KIF13B: variants seen among roughly 807,000 people sequenced by gnomAD.
KIF13B encodes kinesin family member 13B.
A neutral mutation model predicts 222.0 loss-of-function variants in KIF13B; 127 were observed. The ratio of observed to expected loss-of-function variants is 0.57; its 90% CI spans 0.50 to 0.66. The LOEUF is 0.66. Among genes scored for constraint, KIF13B ranks in the 30% least tolerant of loss-of-function variants. KIF13B has a pLI of 0.00. For missense variants in KIF13B, 2,173 were observed against 2,379.0 expected, an observed-to-expected ratio of 0.91 and a Z score of 1.80; for synonymous variants, 976 against 919.0, an observed-to-expected ratio of 1.06 and a Z score of -1.12.
At chr8:29,103,707 G>A (rs553284160) in intron 35 of KIF13B, among the ~76,000 whole-genome samples, 7 of 151,914 alleles carry the variant, frequency 4.6e-5, no homozygotes, top group African/African-American at 1.7e-4. Context: ...ACAAATAGAG[G>A]AATGGAAAGC....
At chr8:29,220,628 C>T (rs1049599526) in intron 2 of KIF13B, among the ~76,000 whole-genome samples, 3 of 151,636 alleles carry the variant, frequency 2.0e-5, no homozygotes, top group African/African-American at 4.9e-5. Context: ...CAGAGAAGGA[C>T]GAGGAAGCCT....
intron 13 of KIF13B, among the ~76,000 whole-genome samples, chr8:29,158,379 G>A (rs1312388658): frequency 1.3e-5 from 2 of 152,218 alleles, no homozygotes; most frequent in Non-Finnish European, 2.9e-5. Flanking sequence ...AGCAGGGATA[G>A]CATCTCAGTC....
At chr8:29,139,934 G>A in intron 21 of KIF13B, 129 bp downstream of exon 21, 1 of 789,022 alleles carries the variant, frequency 1.3e-6, no homozygotes, top group Non-Finnish European at 2.0e-6. Context: ...ACCATCTAAA[G>A]ACCTGCAGTT....
chr8:29,176,072 A>G lies in KIF13B; in HGVS notation c.941T>C (p.Leu314Pro). ...AGGGAAAAAAAACAAACTTACTTTG[A>G]GCAGCCAAGTGAGAACTGAGTCACG... Reference protein sequence around the residue: ...PYRDSVLTWLLKDSLGGNSKT... With the variant: ...PYRDSVLTWLPKDSLGGNSKT... Residue 314 changes from leucine to proline, a missense_variant, in exon 10 of 40, where the codon CTC becomes CCC. Leu to Pro is a moderately conservative substitution (Grantham distance 98, BLOSUM62 -3). This residue lies in a region of KIF13B where 1,480 missense variants were observed against 1,722.8 expected (regional missense o/e 0.86). Transcript: ENST00000524189. 1 of 1,601,876 alleles carries G rather than the reference A, an allele frequency of 6.2e-7. No individual in the cohort carries two copies. Among genetic ancestry groups the G allele is most frequent in the South Asian group, 1.1e-5 (1 of 90,476 alleles).
chr8:29,179,458 A>C (rs1812620056), intron 8 of KIF13B, among the ~76,000 whole-genome samples: 2 of 152,238 alleles, frequency 1.3e-5, no homozygotes, highest in South Asian at 4.1e-4. Flanking sequence ...TAGCCGTCAC[A>C]GTTTAAAACT....
At chr8:29,145,425 G>A (rs911547804) in intron 18 of KIF13B, among the ~76,000 whole-genome samples, 1 of 152,168 alleles carries the variant, frequency 6.6e-6, no homozygotes, top group Non-Finnish European at 1.5e-5. Flanking sequence ...GAGGTCAGGA[G>A]TTTGAGACCA....
chr8:29,205,826 T>C (rs993387233), intron 2 of KIF13B, among the ~76,000 whole-genome samples: 3 of 151,956 alleles, frequency 2.0e-5, no homozygotes, highest in Non-Finnish European at 4.4e-5. Context: ...CTCACACCTG[T>C]AATCCCAACA....
Position 29,180,672 on chromosome 8 carries a change from C to T in KIF13B, c.586-434G>A, listed in dbSNP as rs973855114. Among the ~76,000 whole-genome samples the T allele has an allele frequency of 7.9e-5, 12 of 152,272 alleles. 1 individual carries two copies. Among genetic ancestry groups the T allele is most frequent in the South Asian group, 6.2e-4 (3 of 4,816 alleles). Reference sequence around the variant, plus strand: ...TTGTCGCTTCATACAGGCATATCACCGACTACCACTATCTTAGCAGACCTG... The same window carrying T: ...TTGTCGCTTCATACAGGCATATCACTGACTACCACTATCTTAGCAGACCTG... On this transcript the variant is annotated intron_variant, in intron 7 of 39. Coordinates refer to ENST00000524189, the MANE Select transcript of KIF13B (RefSeq NM_015254.4).
chr8:29,133,248 G>A (rs1810422798), intron 22 of KIF13B, among the ~76,000 whole-genome samples: 1 of 152,134 alleles, frequency 6.6e-6, no homozygotes, highest in South Asian at 2.1e-4. Flanking sequence ...TGACCTCTCT[G>A]ATTTGTTTGT....
At chr8:29,200,335 C>T (rs1016863188) in intron 2 of KIF13B, among the ~76,000 whole-genome samples, 2 of 152,348 alleles carry the variant, frequency 1.3e-5, no homozygotes, top group Non-Finnish European at 1.5e-5. Flanking sequence ...GAAACCTCAA[C>T]TATCCAGATC....
Position 29,071,908 on chromosome 8 carries a change from A to T in KIF13B, c.4930T>A (p.Ser1644Thr). 1 of 1,452,846 alleles carries T rather than the reference A, an allele frequency of 6.9e-7. No homozygotes were observed. Among genetic ancestry groups the T allele is most frequent in the Admixed American group, 3.1e-5 (1 of 32,398 alleles). The allele number at this position is 1,452,846 out of a possible 1,614,324, so 90.0% of individuals were successfully genotyped here. The change falls in exon 39 of 40, where the codon TCC (serine) becomes ACC (threonine). Residue 1644 changes from serine to threonine, a missense_variant. By Grantham distance (58) the Ser-to-Thr change is moderately conservative. This residue lies in a region of KIF13B where 693 missense variants were observed against 656.2 expected (regional missense o/e 1.06). Transcript: ENST00000524189. This position sits in a 1 kb window ranked among gnomAD's most constrained non-coding sequence, Gnocchi z 4.9. ...CGCACCCTCCGGACGCGGAACGGGG[A>T]GCCGGGCGCCGGGGCCTCGAGGTCG... ...RPDLEAPAPG[S>T]PFRVRRVRAS...
intron 5 of KIF13B, among the ~76,000 whole-genome samples, chr8:29,187,223 T>C (rs1000907003): frequency 1.3e-5 from 2 of 152,136 alleles, no homozygotes; most frequent in African/African-American, 4.8e-5. Context: ...ATAATCTTTT[T>C]TCTTATATAA....
At chr8:29,247,456 T>C (rs1816078537) in intron 1 of KIF13B, among the ~76,000 whole-genome samples, 1 of 151,976 alleles carries the variant, frequency 6.6e-6, no homozygotes, top group Non-Finnish European at 1.5e-5. Flanking sequence ...AAAAAGGGAA[T>C]GAAAAAGTAT....
chr8:29,249,804 G>T (rs1445942066), intron 1 of KIF13B, among the ~76,000 whole-genome samples: 2 of 152,174 alleles, frequency 1.3e-5, no homozygotes, highest in Middle Eastern at 3.2e-3. Context: ...AAACTTTAGA[G>T]CTATGTTTTA....
At chr8:29,155,244 C>T (rs1811466036) in intron 14 of KIF13B, among the ~76,000 whole-genome samples, 1 of 152,182 alleles carries the variant, frequency 6.6e-6, no homozygotes, top group Non-Finnish European at 1.5e-5. Flanking sequence ...CACTAAGAAG[C>T]ACTGCCACAA....
At chr8:29,175,129 GA>G (rs142251589) in intron 10 of KIF13B, among the ~76,000 whole-genome samples, 15 of 151,582 alleles carry the variant, frequency 9.9e-5, no homozygotes, top group Non-Finnish European at 1.6e-4. Flanking sequence ...TTTAAAAATA[GA>G]AAAAAAAGAG....
At chr8:29,126,409 C>A in intron 26 of KIF13B, 73 bp downstream of exon 26, 1 of 977,094 alleles carries the variant, frequency 1.0e-6, no homozygotes, top group Non-Finnish European at 1.6e-6. Flanking sequence ...AACAGTATAG[C>A]CAGATCCAGG....
chr8:29,135,554 T>C (rs750969604), intron 21 of KIF13B, among the ~76,000 whole-genome samples: 1 of 152,180 alleles, frequency 6.6e-6, no homozygotes, highest in Non-Finnish European at 1.5e-5. Context: ...CTACCTCCAG[T>C]AAATACAGTT....
chr8:29,222,033 C>A (rs558438318), intron 2 of KIF13B, among the ~76,000 whole-genome samples: 6 of 152,110 alleles, frequency 3.9e-5, no homozygotes, highest in African/African-American at 1.4e-4. Flanking sequence ...ATTAACCACT[C>A]TATCACTGTT....
Sources: allele counts gnomAD v4.1 joint callset (sites outside exome capture counted in the v4.1 genomes callset), GRCh38; gene constraint gnomAD v4.1.1; regional missense constraint gnomAD v4.1.1; non-coding constraint Gnocchi (gnomAD v3.1); transcripts MANE v1.5; gene names NCBI Gene and HGNC (gene_info 2026-07-23, HGNC 2026-07-21).